Variants in OR2L13 observed in about 807,000 individuals in gnomAD.
OR2L13 encodes olfactory receptor 2L13.
In OR2L13, 14 loss-of-function variants were observed where a neutral mutation model predicts 15.3. The ratio of observed to expected loss-of-function variants is 0.91; its 90% CI spans 0.60 to 1.43. The LOEUF (loss-of-function observed/expected upper bound fraction) is 1.43, where lower values mean the gene tolerates loss of function less well. OR2L13 is among the 40% of genes most tolerant of loss of function. OR2L13 has a pLI of 0.00. For missense variants in OR2L13, 367 were observed against 387.9 expected, an observed-to-expected ratio of 0.95 and a Z score of 0.45; for synonymous variants, 152 against 142.9, an observed-to-expected ratio of 1.06 and a Z score of -0.45.
At chr1:248,054,271 T>C in the OR2L13 span, among the ~76,000 whole-genome samples, 2 of 152,182 alleles carry the variant, frequency 1.3e-5, no homozygotes, top group African/African-American at 2.4e-5. Context: ...TGGTTGTAGA[T>C]GTGCAGTTTT....
At chr1:247,955,595 TCCTCTCCAGCA>T in the OR2L13 span, among the ~76,000 whole-genome samples, 3 of 150,848 alleles carry the variant, frequency 2.0e-5, no homozygotes, top group Non-Finnish European at 4.4e-5. Flanking sequence ...TTTCTCCACA[TCCTCTCCAGCA>T]CCTGTTGTTT....
At chr1:248,056,957 G>A in the OR2L13 span, among the ~76,000 whole-genome samples, 1 of 151,916 alleles carries the variant, frequency 6.6e-6, no homozygotes, top group African/African-American at 2.4e-5. Context: ...GCCTTGAGGG[G>A]GCTTTAATCT....
the OR2L13 span, chr1:248,023,942 A>C: frequency 6.6e-6 from 1 of 152,164 alleles, no homozygotes; most frequent in Non-Finnish European, 1.5e-5. Context: ...AATAATCTTC[A>C]CTCTGGAAAT....
At chr1:248,090,606 A>C (rs1664573581), upstream of OR2L13, among the ~76,000 whole-genome samples, 1 of 152,168 alleles carries the variant, frequency 6.6e-6, no homozygotes, top group South Asian at 2.1e-4. Context: ...GTTGCTGCAA[A>C]GGACATTATC....
At chr1:248,073,084 C>T in the OR2L13 span, among the ~76,000 whole-genome samples, 19,755 of 146,890 alleles carry the variant, frequency 0.13, 2,871 homozygotes, top group African/African-American at 0.36. Context: ...CTCAGGGATC[C>T]AGAACTAGAA....
At chr1:247,997,012 T>G in the OR2L13 span, 1 of 152,190 alleles carries the variant, frequency 6.6e-6, no homozygotes. Flanking sequence ...CTGGTCTGAG[T>G]GCAGTGGTGT....
chr1:248,020,209 C>A, the OR2L13 span, among the ~76,000 whole-genome samples: 1 of 152,104 alleles, frequency 6.6e-6, no homozygotes, highest in Admixed American at 6.6e-5. Context: ...CCACATAGTA[C>A]TGGAAGTCCT....
At chr1:247,990,948 G>A in the OR2L13 span, 26 of 1,469,364 alleles carry the variant, frequency 1.8e-5, no homozygotes, top group African/African-American at 4.2e-5. Flanking sequence ...TCTACCACAT[G>A]CACTCTGCAG....
the OR2L13 span, among the ~76,000 whole-genome samples, chr1:248,001,085 T>A: frequency 6.6e-6 from 1 of 152,158 alleles, no homozygotes. Flanking sequence ...TGACATTTAC[T>A]CATAGGTTTG....
At chr1:247,985,600 T>C in the OR2L13 span, among the ~76,000 whole-genome samples, 1 of 152,194 alleles carries the variant, frequency 6.6e-6, no homozygotes, top group African/African-American at 2.4e-5. Context: ...AGTAGCATGA[T>C]TTATAATCCT....
chr1:248,096,025 GTTTTCCTA>G (rs1664730840), upstream of OR2L13, among the ~76,000 whole-genome samples: 1 of 151,996 alleles, frequency 6.6e-6, no homozygotes, highest in Non-Finnish European at 1.5e-5. Context: ...TTTTGGAAAT[GTTTTCCTA>G]TCATCAGGAA....
chr1:248,070,263 A>T, the OR2L13 span, among the ~76,000 whole-genome samples: 1 of 152,164 alleles, frequency 6.6e-6, no homozygotes, highest in South Asian at 2.1e-4. Flanking sequence ...AACAGAAATT[A>T]TAACAAACTG....
At chr1:248,078,291 G>A in the OR2L13 span, among the ~76,000 whole-genome samples, 1 of 151,940 alleles carries the variant, frequency 6.6e-6, no homozygotes, top group African/African-American at 2.4e-5. Context: ...AATCATCCTC[G>A]GCAATATGAT....
At chr1:247,958,784 C>T in the OR2L13 span, among the ~76,000 whole-genome samples, 107 of 151,168 alleles carry the variant, frequency 7.1e-4, no homozygotes, top group Non-Finnish European at 1.2e-3. Flanking sequence ...TTTTTGTTTT[C>T]CATTTGCTTG....
chr1:247,940,861 A>G, the OR2L13 span, among the ~76,000 whole-genome samples: 32 of 152,128 alleles, frequency 2.1e-4, no homozygotes, highest in Admixed American at 5.2e-4. Context: ...TTACATTCCC[A>G]CCAACAGCAT....
chr1:247,968,565 A>G, the OR2L13 span, among the ~76,000 whole-genome samples: 111 of 146,582 alleles, frequency 7.6e-4, no homozygotes, highest in African/African-American at 2.7e-3. Context: ...TCATTGTTCA[A>G]TTCCCACCTA....
the OR2L13 span, among the ~76,000 whole-genome samples, chr1:248,058,697 C>A: frequency 2.6e-5 from 4 of 151,640 alleles, no homozygotes; most frequent in African/African-American, 9.7e-5. Flanking sequence ...AATTTGCATG[C>A]CATTTGAATA....
At chr1:248,028,177 C>G in the OR2L13 span, among the ~76,000 whole-genome samples, 1 of 140,536 alleles carries the variant, frequency 7.1e-6, no homozygotes, top group Admixed American at 7.1e-5. Context: ...AAATCATGTC[C>G]AAGTCTCTCC....
the OR2L13 span, among the ~76,000 whole-genome samples, chr1:248,005,466 G>T: frequency 1.3e-5 from 2 of 152,112 alleles, no homozygotes; most frequent in Non-Finnish European, 2.9e-5. Context: ...AGTATAGTTT[G>T]AAGTTTGGTA....
Sources: allele counts gnomAD v4.1 joint callset (sites outside exome capture counted in the v4.1 genomes callset), GRCh38; gene constraint gnomAD v4.1.1; transcripts MANE v1.5; gene names NCBI Gene and HGNC (gene_info 2026-07-23, HGNC 2026-07-21).